The following MYH4 variants were observed in gnomAD, a reference collection of about 807,000 sequenced individuals.
MYH4 encodes the protein myosin-4.
A neutral mutation model predicts 229.9 loss-of-function variants in MYH4; 200 were observed. That is an observed-to-expected ratio of 0.87 (90% CI 0.78 to 0.98). MYH4 has a LOEUF of 0.98. Among genes scored for constraint, MYH4 ranks in the 50% least tolerant of loss-of-function variants. The pLI is 0.00. For synonymous variants in MYH4, 761 were observed against 834.6 expected, an observed-to-expected ratio of 0.91 and a Z score of 1.52; for missense variants, 2,148 against 2,332.6, an observed-to-expected ratio of 0.92 and a Z score of 1.63.
At chr17:10,452,765 A>G (rs374940749) in intron 25 of MYH4, 22 bp downstream of exon 25, 6 of 1,586,108 alleles carry the variant, frequency 3.8e-6, no homozygotes, top group Non-Finnish European at 4.3e-6. Flanking sequence ...AGCAGGTTAT[A>G]GCTGAATTAT....
In MYH4 at chr17:10,452,014, T is replaced by G; in HGVS notation, c.3665A>C (p.Glu1222Ala). 6.2e-7 allele frequency: 1 copy of G among 1,613,848 alleles called. No individual in the cohort carries two copies. The highest frequency in any genetic ancestry group is 8.5e-7 in the Non-Finnish European group (1 of 1,179,872). ...CATCTTCAGCTCACTCTTTTCCTTC[T>G]CCAGCTTCTGCTTGACCCGCTGAAG... ...DSLQRVKQKL[E>A]KEKSELKMEI... Residue 1222 changes from glutamate (E) to alanine (A), a missense_variant, in exon 27 of 40, where the codon GAG becomes GCG. Physicochemically the swap from Glu to Ala is moderately radical, Grantham distance 107. Transcript: ENST00000255381.
intron 14 of MYH4, among the ~76,000 whole-genome samples, chr17:10,459,746 G>C (rs2072680329): frequency 6.6e-6 from 1 of 151,434 alleles, no homozygotes; most frequent in African/African-American, 2.4e-5. Context: ...AACCTCTCAG[G>C]GATCAACTTT....
chr17:10,461,897 C>T (rs2072707588), intron 11 of MYH4, among the ~76,000 whole-genome samples: 1 of 152,184 alleles, frequency 6.6e-6, no homozygotes, highest in Non-Finnish European at 1.5e-5. Context: ...TTCCAGCTCA[C>T]TAACTCTACC....
At position 10,452,470 on chromosome 17, in the gene MYH4, A is replaced by C; in HGVS notation, c.3294T>G (p.Ile1098Met). The change falls in exon 26 of 40, where the codon ATT becomes ATG. Residue 1098 changes from isoleucine to methionine, a missense_variant. Ile to Met is a conservative substitution (Grantham distance 10). Transcript: ENST00000255381. ...EFEMSNLQGK[I>M]EDEQALAIQL... ...GTATTGCAAGGGCTTGTTCATCTTC[A>C]ATCTTGCCTTGCAGATTGCTCATTT... The C allele has an allele frequency of 6.2e-7, 1 of 1,614,090 alleles. No individual in the cohort carries two copies. Among genetic ancestry groups the C allele is most frequent in the Non-Finnish European group, 8.5e-7 (1 of 1,179,986 alleles).
intron 3 of MYH4, 39 bp downstream of exon 3, chr17:10,466,503 T>G: frequency 6.2e-7 from 1 of 1,613,644 alleles, no homozygotes; most frequent in Non-Finnish European, 8.5e-7. Context: ...TAACCCAAAA[T>G]GAGGCAGAGT....
rs193068056 is a variant in MYH4 at position 10,459,838 on chromosome 17, C to G, written c.1416+114G>C. On this transcript the variant is annotated intron_variant, in intron 14 of 39. Coordinates refer to ENST00000255381, the MANE Select transcript of MYH4 (RefSeq NM_017533.2). ...ACTTTTCATATCTTTTCAAAGACTC[C>G]TTTCAGTAGGAATTACATTTGTATA... is the stretch of plus-strand genomic sequence containing the variant. 41 of 1,582,150 alleles carry G rather than the reference C, an allele frequency of 2.6e-5. No individual in the cohort carries two copies. In the East Asian group the frequency reaches 8.8e-4, roughly 34 times the overall value.
chr17:10,455,693 A>G lies in MYH4; in HGVS notation c.2095T>C (p.Cys699Arg). ...CGGATGCCTTCCAGCACACCGTTAC[A>G]CCTCAGCTGATGCAGGACAAGCTCA... ...EHELVLHQLR[C>R]NGVLEGIRIC... The change falls in exon 19 of 40, where the codon TGT (cysteine) becomes CGT (arginine). Residue 699 changes from cysteine (C) to arginine (R), a missense_variant. Coordinates refer to ENST00000255381, the MANE Select transcript of MYH4 (RefSeq NM_017533.2). The G allele has an allele frequency of 4.3e-6, 7 of 1,614,150 alleles. No homozygotes were observed. Among genetic ancestry groups the G allele is most frequent in the Non-Finnish European group, 5.1e-6 (6 of 1,180,024 alleles).
intron 16 of MYH4, among the ~76,000 whole-genome samples, chr17:10,457,123 A>G (rs538282872): frequency 1.3e-5 from 2 of 152,224 alleles, no homozygotes; most frequent in Non-Finnish European, 2.9e-5. Context: ...AAGAACCAAT[A>G]CTATTAAAAT....
At chr17:10,445,388 A>C (rs72816724) in intron 35 of MYH4, 26 bp from the exon 36 acceptor site, 68 of 1,612,468 alleles carry the variant, frequency 4.2e-5, no homozygotes, top group Non-Finnish European at 5.3e-5. Context: ...GAAAGAGAAG[A>C]GAAGCACATT....
chr17:10,452,518 G>GCAA lies in MYH4; in HGVS notation c.3258-15_3258-13dup. 6.2e-7 allele frequency: 1 copy of GCAA among 1,610,216 alleles called. No individual in the cohort carries two copies. The highest frequency in any genetic ancestry group is 2.2e-5 in the East Asian group (1 of 44,862). ...TTTCAAACTCTTTCCTATTAGAAGAGCAACACATTAGCTTATAATCACTTC... is the reference window on the plus strand; with the variant it reads ...TTTCAAACTCTTTCCTATTAGAAGAGCAACAACACATTAGCTTATAATCACTTC... On this transcript the variant is annotated splice_polypyrimidine_tract_variant and intron_variant, in intron 25 of 39. Coordinates refer to ENST00000255381, the MANE Select transcript of MYH4 (RefSeq NM_017533.2).
At chr17:10,447,736 A>G in intron 34 of MYH4, 82 bp downstream of exon 34, 3 of 1,334,222 alleles carry the variant, frequency 2.2e-6, no homozygotes, top group East Asian at 2.3e-5. Flanking sequence ...TTTATGACAC[A>G]TAGTCCTCGT....
intron 17 of MYH4, 108 bp downstream of exon 17, chr17:10,456,377 G>C: frequency 2.3e-6 from 2 of 885,896 alleles, no homozygotes; most frequent in Non-Finnish European, 3.5e-6. Flanking sequence ...AAAGTATACT[G>C]TACTACTTTA....
At chr17:10,454,885 G>C in intron 21 of MYH4, 56 bp downstream of exon 21, 1 of 1,610,840 alleles carries the variant, frequency 6.2e-7, no homozygotes, top group East Asian at 2.2e-5. Flanking sequence ...AGTAATGACT[G>C]CAGTGGATTC....
chr17:10,464,659 G>T (rs1354753151), intron 6 of MYH4, 22 bp downstream of exon 6: 2 of 1,613,662 alleles, frequency 1.2e-6, no homozygotes, highest in East Asian at 2.2e-5. Context: ...AAAACAGAAA[G>T]AAAGTAACGA....
rs1417628767 is a variant in MYH4, at chr17:10,448,728, G to A, written c.4421C>T (p.Ser1474Phe). 1 of 1,614,088 alleles carries A rather than the reference G, an allele frequency of 6.2e-7. No individual in the cohort carries two copies. The highest frequency in any genetic ancestry group is 8.5e-7 in the Non-Finnish European group (1 of 1,180,014). ...YEETQAELEASQKESRSLSTE... is the reference protein window; with the variant it reads ...YEETQAELEAFQKESRSLSTE... ...GCTGAGAGAACGCGACTCCTTCTGG[G>A]AGGCCTCAAGTTCAGCCTGAGTTTC... The change falls in exon 32 of 40, where the codon TCC becomes TTC. Residue 1474 changes from serine (S) to phenylalanine (F), a missense_variant. By Grantham distance (155) the Ser-to-Phe change is radical. Transcript: ENST00000255381.
At position 10,457,559 on chromosome 17, in the gene MYH4, G is replaced by A. The variant is rs565064365; in HGVS notation, c.1758C>T (p.Ala586=). The change falls in exon 16 of 40, where the codon GCC becomes GCT. Residue 586 remains alanine, a synonymous_variant. Coordinates refer to ENST00000255381, the MANE Select transcript of MYH4 (RefSeq NM_017533.2). ...CGGCGATGTTGTAGTCCACGGTGCC[G>A]GCATAGTGCACCAGTGAGAAGTGAG... ...PEAHFSLVHY[A]GTVDYNIAGW... The A allele has an allele frequency of 5.0e-5, 80 of 1,614,118 alleles. 1 individual carries two copies. Among genetic ancestry groups the A allele is most frequent in the South Asian group, 1.6e-4 (15 of 91,070 alleles).
At chr17:10,459,843 A>C in intron 14 of MYH4, 109 bp downstream of exon 14, 1 of 1,588,132 alleles carries the variant, frequency 6.3e-7, no homozygotes, top group Admixed American at 1.7e-5. Context: ...GACTCCTTTC[A>C]GTAGGAATTA....
chr17:10,455,645 T>C lies in MYH4; in HGVS notation c.2143A>G (p.Ser715Gly). 3 of 1,614,098 alleles carry C rather than the reference T, an allele frequency of 1.9e-6. No individual in the cohort carries two copies. Among genetic ancestry groups the C allele is most frequent in the East Asian group, 4.5e-5 (2 of 44,884 alleles). Residue 715 changes from serine to glycine, a missense_variant, in exon 19 of 40, where the codon AGC becomes GGC. Coordinates refer to ENST00000255381, the MANE Select transcript of MYH4 (RefSeq NM_017533.2). ...TTGAAGTCTGCATAAAGGATTCTGC[T>C]TGGGAAGCCTTTCCTGCAGATGCGG... ...GIRICRKGFPSRILYADFKQR... is the reference protein window; with the variant it reads ...GIRICRKGFPGRILYADFKQR...
At chr17:10,454,278 A>G (rs1355828541) in intron 22 of MYH4, among the ~76,000 whole-genome samples, 4 of 152,258 alleles carry the variant, frequency 2.6e-5, no homozygotes, top group African/African-American at 9.6e-5. Context: ...AAAATACACT[A>G]AAGAAAGAAT....
Sources: gnomAD v4.1 joint callset for allele counts (sites outside exome capture counted in the v4.1 genomes callset) on GRCh38, gnomAD v4.1.1 for gene constraint, MANE v1.5 for transcripts, NCBI Gene and HGNC (gene_info 2026-07-23, HGNC 2026-07-21) for gene names.